The following LINGO2 variants were observed in gnomAD, a reference collection of about 807,000 sequenced individuals.
The protein encoded by LINGO2 is leucine rich repeat and Ig domain containing 2, also known as leucine-rich repeat and immunoglobulin-like domain-containing nogo receptor-interacting protein 2.
A neutral mutation model predicts 30.6 loss-of-function variants in LINGO2; 14 were observed. The ratio of observed to expected loss-of-function variants is 0.46; its 90% confidence interval spans 0.30 to 0.72. LINGO2 has a LOEUF of 0.72. Among genes scored for constraint, LINGO2 ranks in the 30% least tolerant of loss-of-function variants. LINGO2 has a pLI of 0.07. For missense variants in LINGO2, 729 were observed against 751.7 expected (o/e 0.97, Z 0.35); for synonymous variants, 317 against 288.5 (o/e 1.10, Z -1.00).
intron 1 of LINGO2, among the ~76,000 whole-genome samples, chr9:28,558,178 A>G (rs1203625806): frequency 6.6e-6 from 1 of 151,688 alleles, no homozygotes; most frequent in East Asian, 1.9e-4. Flanking sequence ...CCAAAAAAAA[A>G]AAACAATGGG....
At chr9:28,157,643 TTTTA>T (rs1248412721) in intron 4 of LINGO2, among the ~76,000 whole-genome samples, 1 of 152,216 alleles carries the variant, frequency 6.6e-6, no homozygotes, top group African/African-American at 2.4e-5. Flanking sequence ...TTTTCTGAAC[TTTTA>T]TGTTCTGCTA....
intron 2 of LINGO2, among the ~76,000 whole-genome samples, chr9:28,471,646 A>C (rs1031302779): frequency 6.6e-6 from 1 of 152,182 alleles, no homozygotes; most frequent in Non-Finnish European, 1.5e-5. Flanking sequence ...AGCTAAAACA[A>C]AAATCTCTGA....
At chr9:28,473,861 C>G (rs1825624279) in intron 2 of LINGO2, among the ~76,000 whole-genome samples, 1 of 151,742 alleles carries the variant, frequency 6.6e-6, no homozygotes, top group African/African-American at 2.4e-5. Flanking sequence ...TTCTCTGGGC[C>G]CTTACAGCCA....
chr9:28,707,839 C>T, the LINGO2 span, among the ~76,000 whole-genome samples: 2 of 152,164 alleles, frequency 1.3e-5, no homozygotes, highest in East Asian at 3.9e-4. Flanking sequence ...GAAAGGGACT[C>T]GCAGGGAGTC....
chr9:29,043,397 C>G, the LINGO2 span, among the ~76,000 whole-genome samples: 1 of 151,924 alleles, frequency 6.6e-6, no homozygotes, highest in African/African-American at 2.4e-5. Context: ...TATGATTAAA[C>G]TAGATGAACA....
At chr9:28,393,227 A>C (rs1821906212) in intron 2 of LINGO2, among the ~76,000 whole-genome samples, 1 of 152,248 alleles carries the variant, frequency 6.6e-6, no homozygotes, top group Non-Finnish European at 1.5e-5. Context: ...CAGGAACAGC[A>C]GTGAAAAAAC....
At chr9:29,161,625 G>T in the LINGO2 span, among the ~76,000 whole-genome samples, 3 of 152,114 alleles carry the variant, frequency 2.0e-5, no homozygotes, top group Non-Finnish European at 2.9e-5. Flanking sequence ...TCAATAGGTA[G>T]GAGGTAGAGC....
the LINGO2 span, among the ~76,000 whole-genome samples, chr9:28,707,306 G>A: frequency 6.6e-6 from 1 of 152,060 alleles, no homozygotes; most frequent in South Asian, 2.1e-4. Flanking sequence ...CATGTAGGAT[G>A]CAAAGTACCT....
At chr9:28,222,343 T>C (rs1328815667) in intron 4 of LINGO2, among the ~76,000 whole-genome samples, 1 of 152,296 alleles carries the variant, frequency 6.6e-6, no homozygotes, top group South Asian at 2.1e-4. Context: ...TATGACATTG[T>C]TCCCATAAAA....
intron 1 of LINGO2, among the ~76,000 whole-genome samples, chr9:28,629,019 A>C (rs1826813369): frequency 6.6e-6 from 1 of 152,118 alleles, no homozygotes; most frequent in Non-Finnish European, 1.5e-5. Flanking sequence ...CATTTATTGA[A>C]CATTTATTAT....
chr9:29,163,644 C>G, the LINGO2 span, among the ~76,000 whole-genome samples: 6 of 152,228 alleles, frequency 3.9e-5, no homozygotes, highest in East Asian at 1.2e-3. Flanking sequence ...TGTATTAATA[C>G]AGAAGAAGGT....
intron 4 of LINGO2, among the ~76,000 whole-genome samples, chr9:28,274,874 G>A (rs1181177643): frequency 6.6e-6 from 1 of 152,146 alleles, no homozygotes; most frequent in Non-Finnish European, 1.5e-5. Flanking sequence ...ATTCTCACAT[G>A]TATTCAAAGC....
At chr9:28,619,583 G>T (rs10968681) in intron 1 of LINGO2, among the ~76,000 whole-genome samples, 1,715 of 152,204 alleles carry the variant, frequency 0.011, 9 homozygotes, top group Middle Eastern at 0.017. Context: ...CTGAGAAATA[G>T]ATCTAAAAAA....
intron 4 of LINGO2, among the ~76,000 whole-genome samples, chr9:28,128,115 A>C (rs1409259410): frequency 6.6e-6 from 1 of 152,204 alleles, no homozygotes; most frequent in Non-Finnish European, 1.5e-5. Flanking sequence ...GAGTCACAGG[A>C]AGGTAAGTTA....
exon 6 of LINGO2, chr9:27,949,738 T>C (rs1476167858): frequency 6.2e-7 from 1 of 1,614,132 alleles, no homozygotes; most frequent in Non-Finnish European, 8.5e-7. Context: ...TGAGGCTCAA[T>C]GGTGCGAAGC....
At chr9:28,144,724 A>G (rs1827767171) in intron 4 of LINGO2, among the ~76,000 whole-genome samples, 1 of 152,218 alleles carries the variant, frequency 6.6e-6, no homozygotes, top group African/African-American at 2.4e-5. Flanking sequence ...AATGACAACA[A>G]AAAACGGGAC....
At chr9:28,716,150 T>G in the LINGO2 span, among the ~76,000 whole-genome samples, 1 of 151,594 alleles carries the variant, frequency 6.6e-6, no homozygotes, top group Non-Finnish European at 1.5e-5. Context: ...CCTTCAAAAC[T>G]TTTTCAGCAT....
At chr9:28,194,199 T>G (rs1449149494) in intron 4 of LINGO2, among the ~76,000 whole-genome samples, 1 of 152,022 alleles carries the variant, frequency 6.6e-6, no homozygotes, top group African/African-American at 2.4e-5. Flanking sequence ...TACTATATCT[T>G]CCATGGTATC....
the LINGO2 span, among the ~76,000 whole-genome samples, chr9:28,856,501 C>T: frequency 6.6e-6 from 1 of 151,944 alleles, no homozygotes; most frequent in African/African-American, 2.4e-5. Context: ...GAAGTAACAT[C>T]TGAACTGAAG....
Sources: gnomAD v4.1 joint callset for allele counts (sites outside exome capture counted in the v4.1 genomes callset) on GRCh38, gnomAD v4.1.1 for gene constraint, MANE v1.5 for transcripts, NCBI Gene and HGNC (gene_info 2026-07-23, HGNC 2026-07-21) for gene names.